MCF2L: variants seen among roughly 807,000 people sequenced by gnomAD.
The protein encoded by MCF2L is guanine nucleotide exchange factor DBS.
A neutral mutation model predicts 153.4 loss-of-function variants in MCF2L; 97 were observed. The observed-to-expected ratio is 0.63, with a 90% confidence interval of 0.54 to 0.75. The LOEUF (loss-of-function observed/expected upper bound fraction) is 0.75. Among genes scored for constraint, MCF2L ranks in the 30% least tolerant of loss-of-function variants. The pLI is 0.00. For synonymous variants in MCF2L, 659 were observed against 632.2 expected (o/e 1.04, Z -0.64); for missense variants, 1,347 against 1,495.2 (o/e 0.90, Z 1.64).
chr13:113,088,743 C>T (rs919384242), intron 25 of MCF2L, 115 bp downstream of exon 25: 2 of 1,047,550 alleles, frequency 1.9e-6, no homozygotes, highest in African/African-American at 1.6e-5. Context: ...TTGGGGTTTT[C>T]CTTGAGGCCC....
chr13:113,075,320 C>T (rs534547805), intron 11 of MCF2L, 131 bp downstream of exon 11: 13 of 714,116 alleles, frequency 1.8e-5, no homozygotes, highest in South Asian at 1.2e-4. Context: ...TTGCACCCTT[C>T]GTTTCTGGTC....
rs1321724172 is a variant in MCF2L, at chr13:112,972,109, T to G, written c.79+2651T>G. Among the ~76,000 whole-genome samples the G allele has an allele frequency of 2.0e-5, 3 of 152,242 alleles. No homozygotes were observed. The East Asian group carries it at 5.8e-4, about 29-fold the overall frequency. ...TCAGGAATCAAACTTGGGGAACTAC[T>G]GTGGTAGAAGAATCTTTAAATCTAG... On this transcript the variant is annotated intron_variant, in intron 1 of 29. Coordinates refer to ENST00000535094, the MANE Select transcript of MCF2L (RefSeq NM_001112732.3).
At chr13:113,000,945 C>G (rs562699938) in intron 1 of MCF2L, among the ~76,000 whole-genome samples, 1 of 152,158 alleles carries the variant, frequency 6.6e-6, no homozygotes, top group South Asian at 2.1e-4. Context: ...TGCGTTGACT[C>G]CAGCACTGGG....
At position 113,070,199 on chromosome 13, in the gene MCF2L, A is replaced by G. The variant is rs1403758758; in HGVS notation, c.996+26A>G. 1 of 1,497,320 alleles carries G rather than the reference A, an allele frequency of 6.7e-7. No homozygotes were observed. Among genetic ancestry groups the G allele is most frequent in the Non-Finnish European group, 9.0e-7 (1 of 1,107,404 alleles). The allele number at this position is 1,497,320 out of a possible 1,614,324, so 92.8% of individuals were successfully genotyped here. On this transcript the variant is annotated intron_variant, in intron 9 of 29. Coordinates refer to ENST00000535094, the MANE Select transcript of MCF2L (RefSeq NM_001112732.3). This position sits in a 1 kb window ranked among gnomAD's most constrained non-coding sequence, Gnocchi z 5.6. ...GTGAGTGGCCCTGGGTGGAGCCGGC[A>G]GCCGCCCTGATGCTCACGGGGCCTC...
At chr13:112,945,090 T>C (rs1181785535) in intron 2 of MCF2L, among the ~76,000 whole-genome samples, 1 of 151,874 alleles carries the variant, frequency 6.6e-6, no homozygotes, top group East Asian at 1.9e-4. Flanking sequence ...AGCTGCTGTT[T>C]AGGCTCAGTC....
intron 2 of MCF2L, among the ~76,000 whole-genome samples, chr13:112,962,800 AG>A (rs2081848673): frequency 6.6e-6 from 1 of 152,098 alleles, no homozygotes; most frequent in African/African-American, 2.4e-5. Flanking sequence ...CCCTTTCTCC[AG>A]GGTACAGGCA....
chr13:113,026,749 T>A, intron 3 of MCF2L: 1 of 598,464 alleles, frequency 1.7e-6, no homozygotes, highest in Admixed American at 3.0e-5. Context: ...ACCCCAGAGG[T>A]ACCAGAAAAT....
chr13:113,037,613 C>A (rs2086232420), intron 3 of MCF2L, among the ~76,000 whole-genome samples: 1 of 152,136 alleles, frequency 6.6e-6, no homozygotes, highest in South Asian at 2.1e-4. Flanking sequence ...CCACAAAGAG[C>A]AACTGTAAAA....
At chr13:112,952,569 C>T (rs960745821) in intron 2 of MCF2L, among the ~76,000 whole-genome samples, 1 of 152,194 alleles carries the variant, frequency 6.6e-6, no homozygotes, top group African/African-American at 2.4e-5. Flanking sequence ...ACTTTGCCTT[C>T]CTTCTCCTTA....
chr13:112,924,260 G>A (rs951377916), intron 2 of MCF2L, among the ~76,000 whole-genome samples: 2 of 151,986 alleles, frequency 1.3e-5, no homozygotes, highest in African/African-American at 4.8e-5. Flanking sequence ...GCCCCCACAC[G>A]CAGCTGGGCT....
At chr13:113,014,728 G>A (rs1344790121) in intron 1 of MCF2L, 35 bp from the exon 2 acceptor site, 4 of 1,593,306 alleles carry the variant, frequency 2.5e-6, no homozygotes, top group East Asian at 2.2e-5. Context: ...GCAGCTTCCT[G>A]GGACTGACAC....
chr13:113,057,125 TGGGTG>T (rs2030112646), intron 4 of MCF2L, among the ~76,000 whole-genome samples: 7 of 142,964 alleles, frequency 4.9e-5, no homozygotes, highest in East Asian at 2.2e-4. Context: ...GCTGAGTGCT[TGGGTG>T]CTGTGTGTTT....
At chr13:113,012,226 T>C (rs1438998435) in intron 1 of MCF2L, among the ~76,000 whole-genome samples, 1 of 71,754 alleles carries the variant, frequency 1.4e-5, no homozygotes, top group African/African-American at 5.1e-5. Flanking sequence ...GCTGGGTGGA[T>C]GGTGGACACT....
At chr13:113,079,944 TACCGAGGAGAGTCCAGGCAGAGGAA>T (rs1195971313) in intron 15 of MCF2L, among the ~76,000 whole-genome samples, 2 of 147,740 alleles carry the variant, frequency 1.4e-5, no homozygotes, top group East Asian at 2.0e-4. Context: ...GGAGTGTCCA[TACCGAGGAGAGTCCAGGCAGAGGAA>T]CGTCTGAATG....
intron 26 of MCF2L, chr13:113,090,645 T>C (rs1448675830): frequency 2.0e-6 from 2 of 985,300 alleles, no homozygotes; most frequent in Admixed American, 6.2e-5. Context: ...GGGAAATACA[T>C]GGCGGGGAAA....
chr13:113,046,415 C>A lies in MCF2L; in HGVS notation c.369+1054C>A, dbSNP rs1056302501. ...CCAAGCATTCCCCAGCACCAAACCC[C>A]AGTGAAGTCAGATTCTCCCAGTGAA... On this transcript the variant is annotated intron_variant, in intron 4 of 29. Transcript: ENST00000535094. This position sits in a 1 kb window ranked among gnomAD's most constrained non-coding sequence, Gnocchi z 4.4. 1.6e-5 allele frequency: 7 copies of A among 443,232 alleles called. No individual in the cohort carries two copies. The highest frequency in any genetic ancestry group is 7.7e-5 in the Admixed American group (3 of 39,026). The allele number at this position is 443,232 out of a possible 1,614,324, so 27.5% of individuals were successfully genotyped here.
Position 113,035,611 on chromosome 13 carries a change from C to G in MCF2L, c.279-9660C>G, listed in dbSNP as rs1233547615. 6.6e-6 allele frequency among the ~76,000 whole-genome samples: 1 copy of G among 152,214 alleles called. No homozygotes were observed. On this transcript the variant is annotated intron_variant, in intron 3 of 29. Transcript: ENST00000535094. The surrounding 1 kb of genome is among the most constrained non-coding windows in gnomAD (Gnocchi z 4.4). ...GATGCGGTTCCCGTGTCCCCCAGGA[C>G]AGCTTCGTGGCCGGCCGCCTCCATG... is the stretch of plus-strand genomic sequence containing the variant.
At chr13:112,976,191 C>CGT (rs56098508) in intron 1 of MCF2L, among the ~76,000 whole-genome samples, 43,146 of 148,678 alleles carry the variant, frequency 0.29, 6,652 homozygotes, top group Non-Finnish European at 0.35. Flanking sequence ...TGTGTGTGTG[C>CGT]GTGTGTGTGT....
chr13:113,084,342 AC>A lies in MCF2L; in HGVS notation c.2061+279del, dbSNP rs770444191. Among the ~76,000 whole-genome samples the A allele has an allele frequency of 2.2e-3, 340 of 151,350 alleles. 3 individuals are homozygous for A. The highest frequency in any genetic ancestry group is 4.0e-3 in the Non-Finnish European group (273 of 67,838). On this transcript the variant is annotated intron_variant, in intron 18 of 29. Transcript: ENST00000535094. ...CCTCCTGTACCCCAGAACCTCCTGAACCCCAGAACCTTCTGTACCCCCAGAA... is the reference window on the plus strand; with the variant it reads ...CCTCCTGTACCCCAGAACCTCCTGAACCCAGAACCTTCTGTACCCCCAGAA...
Sources: allele counts gnomAD v4.1 joint callset (sites outside exome capture counted in the v4.1 genomes callset), GRCh38; gene constraint gnomAD v4.1.1; non-coding constraint Gnocchi (gnomAD v3.1); transcripts MANE v1.5; gene names NCBI Gene and HGNC (gene_info 2026-07-23, HGNC 2026-07-21).